Variants in SAMD5 observed in about 807,000 individuals in gnomAD.
SAMD5 encodes sterile alpha motif domain-containing protein 5.
Under a neutral mutation model 11.3 loss-of-function variants are expected in SAMD5, and 13 were observed. That is an observed-to-expected ratio of 1.15 (90% CI 0.75 to 1.83). The LOEUF (loss-of-function observed/expected upper bound fraction) is 1.83. Ranked by LOEUF, SAMD5 falls within the 40% of genes most tolerant of loss-of-function variation. SAMD5 has a pLI of 0.00. For missense variants in SAMD5, 255 were observed against 239.1 expected (o/e 1.07, Z -0.44); for synonymous variants, 129 against 111.3 (o/e 1.16, Z -1.00).
chr6:147,646,060 A>G (rs1790396140), intron 1 of SAMD5, among the ~76,000 whole-genome samples: 1 of 113,884 alleles, frequency 8.8e-6, no homozygotes, highest in African/African-American at 3.7e-5. Context: ...CTATCTATCT[A>G]TCTATCTATC....
Position 147,566,877 on chromosome 6 carries a change from CT to C in SAMD5, c.*2422del. 1.0e-6 allele frequency: 1 copy of C among 971,212 alleles called. No individual in the cohort carries two copies. The allele number at this position is 971,212 out of a possible 1,614,324, so 60.2% of individuals were successfully genotyped here. A position where few individuals can be genotyped will look rare whatever the true frequency, so the allele number is the denominator to read the frequency against. On this transcript the variant is annotated 3_prime_UTR_variant, in exon 2 of 2. Coordinates refer to ENST00000367474, the MANE Select transcript of SAMD5 (RefSeq NM_001030060.3). ...GGATTATTTTTACCATGAATTGTAT[CT>C]GGGGACAGTTAGTCTTAGAAGGAGT...
chr6:147,823,587 T>C, the SAMD5 span, among the ~76,000 whole-genome samples: 1 of 152,068 alleles, frequency 6.6e-6, no homozygotes, highest in Non-Finnish European at 1.5e-5. Context: ...GTAACAAACC[T>C]GCACATTCTG....
At chr6:147,857,149 C>G in the SAMD5 span, among the ~76,000 whole-genome samples, 41 of 151,626 alleles carry the variant, frequency 2.7e-4, 1 homozygote, top group African/African-American at 8.8e-4. Context: ...AGCCAGAACC[C>G]CAGAATTCCC....
chr6:147,699,943 C>T (rs949640934), intron 1 of SAMD5, among the ~76,000 whole-genome samples: 8 of 152,182 alleles, frequency 5.3e-5, no homozygotes, highest in African/African-American at 1.9e-4. Flanking sequence ...GATTGAAATT[C>T]ATTATTACTG....
At chr6:147,758,692 C>A in the SAMD5 span, among the ~76,000 whole-genome samples, 1 of 152,166 alleles carries the variant, frequency 6.6e-6, no homozygotes, top group Non-Finnish European at 1.5e-5. Flanking sequence ...ACCTTCTCCC[C>A]AGTCAAAATC....
At chr6:147,884,095 C>T in the SAMD5 span, among the ~76,000 whole-genome samples, 32 of 151,524 alleles carry the variant, frequency 2.1e-4, no homozygotes, top group Non-Finnish European at 4.6e-4. Context: ...TTCATGCAGT[C>T]ATTTTTCCCC....
chr6:147,635,379 G>T (rs1790213928), intron 1 of SAMD5, among the ~76,000 whole-genome samples: 1 of 152,116 alleles, frequency 6.6e-6, no homozygotes, highest in Non-Finnish European at 1.5e-5. Context: ...AATCCTATGA[G>T]GCAGGACCTA....
chr6:147,822,580 C>T, the SAMD5 span, among the ~76,000 whole-genome samples: 11 of 152,106 alleles, frequency 7.2e-5, no homozygotes, highest in Admixed American at 2.6e-4. Flanking sequence ...TATGCCACCT[C>T]GGGAGTTTTC....
chr6:147,862,972 C>A, the SAMD5 span, among the ~76,000 whole-genome samples: 1 of 151,980 alleles, frequency 6.6e-6, no homozygotes, highest in Admixed American at 6.6e-5. Flanking sequence ...AAGAGTATTT[C>A]CAAAAGCACA....
chr6:147,669,445 T>TTG (rs1790766040), intron 1 of SAMD5, among the ~76,000 whole-genome samples: 2 of 91,616 alleles, frequency 2.2e-5, no homozygotes, highest in African/African-American at 6.4e-5. Flanking sequence ...TTTTTTTTTT[T>TTG]GAGACAGAGT....
intron 1 of SAMD5, among the ~76,000 whole-genome samples, chr6:147,684,090 C>T (rs1790975912): frequency 6.6e-6 from 1 of 152,026 alleles, no homozygotes; most frequent in African/African-American, 2.4e-5. Flanking sequence ...ACCAGCATCC[C>T]AGAAGCCCCT....
At chr6:147,848,769 ATCTGCTCCACAAT>A in the SAMD5 span, among the ~76,000 whole-genome samples, 3 of 152,294 alleles carry the variant, frequency 2.0e-5, no homozygotes, top group South Asian at 6.2e-4. Context: ...CAACCAAACA[ATCTGCTCCACAAT>A]TCAGATCAGC....
At chr6:147,694,057 C>G (rs1288141799) in intron 1 of SAMD5, among the ~76,000 whole-genome samples, 4 of 152,106 alleles carry the variant, frequency 2.6e-5, no homozygotes, top group Non-Finnish European at 5.9e-5. Context: ...TGTTTTTAAT[C>G]AAAGCAAGCC....
the SAMD5 span, among the ~76,000 whole-genome samples, chr6:147,913,086 T>G: frequency 6.6e-6 from 1 of 152,160 alleles, no homozygotes; most frequent in East Asian, 1.9e-4. Context: ...AGGAAGTACA[T>G]ATTGGAAAAA....
chr6:147,708,126 T>A (rs1443680530), intron 1 of SAMD5, among the ~76,000 whole-genome samples: 8 of 152,138 alleles, frequency 5.3e-5, no homozygotes, highest in Non-Finnish European at 1.0e-4. Flanking sequence ...AGAATGTGAC[T>A]GTATTTGCAG....
rs559344041 is a variant in SAMD5, at chr6:147,733,404, G to A, written c.163-3913G>A. 1.2e-4 allele frequency among the ~76,000 whole-genome samples: 19 copies of A among 152,258 alleles called. No individual in the cohort carries two copies. In the South Asian group the frequency reaches 2.3e-3, roughly 18 times the overall value. On this transcript the variant is annotated intron_variant, in intron 1 of 1. Transcript: ENST00000566741. ...TCCTGGAAGTGTGGGTTTTGTGTGC[G>A]TTTTCTGCACGGAGTACAGGTTTGC...
the SAMD5 span, among the ~76,000 whole-genome samples, chr6:147,890,886 A>C: frequency 6.6e-6 from 1 of 152,216 alleles, no homozygotes; most frequent in Non-Finnish European, 1.5e-5. Context: ...GTATTCACTG[A>C]AATAAAATTG....
chr6:147,513,385 G>A (rs1788118137), intron 1 of SAMD5, among the ~76,000 whole-genome samples: 1 of 152,216 alleles, frequency 6.6e-6, no homozygotes, highest in South Asian at 2.1e-4. Flanking sequence ...TGGATGACAG[G>A]GTGGGAGGGG....
At chr6:147,666,337 A>G (rs1168559014) in intron 1 of SAMD5, among the ~76,000 whole-genome samples, 1 of 152,186 alleles carries the variant, frequency 6.6e-6, no homozygotes, top group African/African-American at 2.4e-5. Flanking sequence ...AGTTTATTGC[A>G]ATGTGTATTT....
Sources: allele counts gnomAD v4.1 joint callset (sites outside exome capture counted in the v4.1 genomes callset), GRCh38; gene constraint gnomAD v4.1.1; transcripts MANE v1.5; gene names NCBI Gene and HGNC (gene_info 2026-07-23, HGNC 2026-07-21).